MYRIP: variants seen among roughly 807,000 people sequenced by gnomAD.
The protein encoded by MYRIP is rab effector MyRIP.
A neutral mutation model predicts 98.0 loss-of-function variants in MYRIP; 49 were observed. The ratio of observed to expected loss-of-function variants is 0.50; its 90% CI spans 0.40 to 0.63. MYRIP has a LOEUF of 0.63. Among genes scored for constraint, MYRIP ranks in the 30% least tolerant of loss-of-function variants. The probability of loss-of-function intolerance (pLI) is 0.00; values close to 1 mark genes in which losing one functional copy is unlikely to be tolerated. For synonymous variants in MYRIP, 404 were observed against 409.5 expected (o/e 0.99, Z 0.16); for missense variants, 1,004 against 1,058.2 (o/e 0.95, Z 0.71).
intron 3 of MYRIP, among the ~76,000 whole-genome samples, chr3:40,086,066 G>A (rs369707534): frequency 1.3e-5 from 2 of 152,030 alleles, no homozygotes; most frequent in East Asian, 1.9e-4. Flanking sequence ...GAATAAATTA[G>A]GATGGGATCC....
intron 3 of MYRIP, among the ~76,000 whole-genome samples, chr3:40,137,712 G>C (rs1484103525): frequency 6.6e-6 from 1 of 152,024 alleles, no homozygotes; most frequent in African/African-American, 2.4e-5. Flanking sequence ...TGGGAGTCTT[G>C]CCCATTTTGT....
chr3:40,209,942 A>G lies in MYRIP; in HGVS notation c.1754A>G (p.Asn585Ser). The change falls in exon 11 of 17, where the codon AAC becomes AGC. Residue 585 changes from asparagine (N) to serine (S), a missense_variant. Physicochemically the swap from Asn to Ser is conservative, Grantham distance 46. Coordinates refer to ENST00000302541, the MANE Select transcript of MYRIP (RefSeq NM_015460.4). ...GACACCACAGAGGAGAAACGGAGAA[A>G]CAGGCTGTACGAGTTAGCAATGAAA... is the stretch of plus-strand genomic sequence containing the variant. ...LTDTTEEKRR[N>S]RLYELAMKMS... 6.2e-7 allele frequency: 1 copy of G among 1,614,088 alleles called. No individual in the cohort carries two copies. Among genetic ancestry groups the G allele is most frequent in the Non-Finnish European group, 8.5e-7 (1 of 1,179,954 alleles).
intron 2 of MYRIP, among the ~76,000 whole-genome samples, chr3:40,009,171 C>A (rs1273170271): frequency 6.6e-6 from 1 of 152,086 alleles, no homozygotes; most frequent in Non-Finnish European, 1.5e-5. Context: ...ACTGCCAGAC[C>A]CTGCCATTGC....
intron 13 of MYRIP, among the ~76,000 whole-genome samples, chr3:40,245,075 T>TA (rs1427798235): frequency 6.6e-6 from 1 of 152,194 alleles, no homozygotes; most frequent in Non-Finnish European, 1.5e-5. Flanking sequence ...TGGCACAGAT[T>TA]TAGCACACAA....
At chr3:39,869,601 C>T (rs1294456569) in intron 1 of MYRIP, among the ~76,000 whole-genome samples, 2 of 152,016 alleles carry the variant, frequency 1.3e-5, no homozygotes, top group Non-Finnish European at 2.9e-5. Context: ...GATTGAAGTC[C>T]CCTTCTTTGA....
intron 3 of MYRIP, among the ~76,000 whole-genome samples, chr3:40,067,855 A>G (rs1280504693): frequency 1.3e-5 from 2 of 152,120 alleles, no homozygotes; most frequent in African/African-American, 4.8e-5. Context: ...TGATAGAGTT[A>G]TTGTCATCTC....
At chr3:40,078,540 G>A (rs991763213) in intron 3 of MYRIP, among the ~76,000 whole-genome samples, 4 of 152,206 alleles carry the variant, frequency 2.6e-5, no homozygotes, top group Admixed American at 6.5e-5. Context: ...CTTTGGAATT[G>A]TGATTTTGGT....
At chr3:40,213,566 T>A (rs1226450696) in intron 11 of MYRIP, among the ~76,000 whole-genome samples, 1 of 151,932 alleles carries the variant, frequency 6.6e-6, no homozygotes, top group East Asian at 1.9e-4. Flanking sequence ...AGGATCAGAG[T>A]TAACTGTGAT....
chr3:39,982,206 G>A (rs962788439), intron 2 of MYRIP, among the ~76,000 whole-genome samples: 1 of 152,186 alleles, frequency 6.6e-6, no homozygotes, highest in Non-Finnish European at 1.5e-5. Context: ...GTAGAGAGTA[G>A]TAGGTGGGTA....
chr3:39,813,564 A>G (rs949978655), intron 1 of MYRIP, among the ~76,000 whole-genome samples: 5 of 152,232 alleles, frequency 3.3e-5, no homozygotes, highest in African/African-American at 1.2e-4. Context: ...TTTACACACT[A>G]TGCAAGCCGG....
At chr3:40,185,361 G>A (rs55807137) in intron 9 of MYRIP, among the ~76,000 whole-genome samples, 9,691 of 152,232 alleles carry the variant, frequency 0.064, 375 homozygotes, top group East Asian at 0.19. Context: ...TGTGTTCAGT[G>A]TTGGGGAAAT....
intron 3 of MYRIP, among the ~76,000 whole-genome samples, chr3:40,093,227 C>T (rs1387741573): frequency 6.6e-6 from 1 of 152,220 alleles, no homozygotes; most frequent in Non-Finnish European, 1.5e-5. Context: ...ACAAGATATC[C>T]ACCTTATGTA....
chr3:39,995,448 T>C (rs1414546415), intron 2 of MYRIP, among the ~76,000 whole-genome samples: 8 of 151,980 alleles, frequency 5.3e-5, no homozygotes, highest in Non-Finnish European at 1.2e-4. Flanking sequence ...TGATGGAAGA[T>C]CAAATGAATG....
chr3:40,044,020 C>A (rs760147647), intron 2 of MYRIP, 30 bp from the exon 3 acceptor site: 2 of 1,605,380 alleles, frequency 1.2e-6, no homozygotes, highest in Non-Finnish European at 1.7e-6. Flanking sequence ...TTTCTCTCCT[C>A]CTCCCATTTC....
chr3:39,841,458 A>G (rs1559492966), intron 1 of MYRIP, among the ~76,000 whole-genome samples: 1 of 152,182 alleles, frequency 6.6e-6, no homozygotes, highest in East Asian at 1.9e-4. Flanking sequence ...ACTTCTGTCA[A>G]TTCATCAAGT....
At chr3:40,178,828 G>T (rs1183833563) in intron 8 of MYRIP, among the ~76,000 whole-genome samples, 1 of 152,174 alleles carries the variant, frequency 6.6e-6, no homozygotes, top group East Asian at 1.9e-4. Flanking sequence ...GAGTAAAGAG[G>T]AAGGGCCTAT....
chr3:40,250,643 CCCCAGA>C, intron 15 of MYRIP, 144 bp downstream of exon 15: 1 of 940,820 alleles, frequency 1.1e-6, no homozygotes, highest in East Asian at 2.6e-5. Flanking sequence ...ATTTGGGTCC[CCCCAGA>C]AGCAAACCCT....
chr3:39,899,787 A>C lies in MYRIP; in HGVS notation c.-30-1000A>C, dbSNP rs537368652. 1.2e-3 allele frequency among the ~76,000 whole-genome samples: 180 copies of C among 152,302 alleles called. 2 individuals are homozygous for C. The South Asian group carries it at 0.036, about 31-fold the overall frequency. ...AGTTTTAATTTGCAGTTCTGTAATT[A>C]CCATTGAAATTAAGCATTATTCCAT... On this transcript the variant is annotated intron_variant, in intron 1 of 16. Coordinates refer to ENST00000302541, the MANE Select transcript of MYRIP (RefSeq NM_015460.4).
intron 12 of MYRIP, among the ~76,000 whole-genome samples, chr3:40,243,400 T>TAA (rs10655936): frequency 0.059 from 7,904 of 135,066 alleles, 344 homozygotes; most frequent in African/African-American, 0.098. Context: ...TCACTAAGTG[T>TAA]AAAAAAAAAA....
Sources: allele counts gnomAD v4.1 joint callset (sites outside exome capture counted in the v4.1 genomes callset), GRCh38; gene constraint gnomAD v4.1.1; transcripts MANE v1.5; gene names NCBI Gene and HGNC (gene_info 2026-07-23, HGNC 2026-07-21).